IMMP2L: variants seen among roughly 807,000 people sequenced by gnomAD.
The protein encoded by IMMP2L is mitochondrial inner membrane protease subunit 2.
A neutral mutation model predicts 19.3 loss-of-function variants in IMMP2L; 18 were observed. The ratio of observed to expected loss-of-function variants is 0.93; its 90% CI spans 0.64 to 1.38. The LOEUF (loss-of-function observed/expected upper bound fraction) is 1.38, where lower values mean the gene tolerates loss of function less well. IMMP2L is among the 40% of genes most tolerant of loss of function. IMMP2L has a pLI of 0.00. For missense variants in IMMP2L, 233 were observed against 218.2 expected (o/e 1.07, Z -0.43); for synonymous variants, 76 against 73.0 (o/e 1.04, Z -0.21).
chr7:110,761,351 C>T (rs533097580), intron 5 of IMMP2L, among the ~76,000 whole-genome samples: 1 of 152,122 alleles, frequency 6.6e-6, no homozygotes, highest in Non-Finnish European at 1.5e-5. Context: ...TCAATGATGT[C>T]CTTTCCATGA....
chr7:111,346,628 A>G (rs1297629220), intron 3 of IMMP2L, among the ~76,000 whole-genome samples: 4 of 152,154 alleles, frequency 2.6e-5, no homozygotes, highest in Non-Finnish European at 5.9e-5. Context: ...ATACATGGAC[A>G]GATAAACAGA....
At chr7:111,428,470 GA>G (rs1482230004) in intron 3 of IMMP2L, among the ~76,000 whole-genome samples, 1 of 151,638 alleles carries the variant, frequency 6.6e-6, no homozygotes, top group African/African-American at 2.4e-5. Flanking sequence ...CTTCATATGT[GA>G]AATAAATTAA....
chr7:110,944,533 G>A (rs1409839135), intron 4 of IMMP2L, among the ~76,000 whole-genome samples: 4 of 149,806 alleles, frequency 2.7e-5, no homozygotes, highest in Admixed American at 6.7e-5. Flanking sequence ...GAGAATGTAG[G>A]CAGGGTCCTG....
chr7:111,008,271 A>G (rs1824524157), intron 3 of IMMP2L, among the ~76,000 whole-genome samples: 1 of 152,036 alleles, frequency 6.6e-6, no homozygotes, highest in South Asian at 2.1e-4. Flanking sequence ...TCTATGAGGT[A>G]AAGTCCTACC....
At chr7:111,500,211 G>A (rs192089819) in intron 2 of IMMP2L, among the ~76,000 whole-genome samples, 101 of 152,286 alleles carry the variant, frequency 6.6e-4, no homozygotes, top group Non-Finnish European at 1.3e-3. Flanking sequence ...CTGATTGCTA[G>A]CACAGCAGTC....
At chr7:110,801,026 C>A (rs1801201300) in intron 5 of IMMP2L, among the ~76,000 whole-genome samples, 1 of 152,002 alleles carries the variant, frequency 6.6e-6, no homozygotes, top group Admixed American at 6.6e-5. Flanking sequence ...TCAAACAAAC[C>A]AAAGCACATG....
Position 111,139,479 on chromosome 7 carries a change from T to C in IMMP2L, c.240-175914A>G, listed in dbSNP as rs193291321. On this transcript the variant is annotated intron_variant, in intron 3 of 5. Coordinates refer to ENST00000405709, the MANE Select transcript of IMMP2L (RefSeq NM_032549.4). ...GGGATACAAAGATAGGCAACTTCCC[T>C]GAAATAATTGAGAATTATCTATGGT... is the stretch of plus-strand genomic sequence containing the variant. Among the ~76,000 whole-genome samples, 1,018 of 152,214 alleles carry C rather than the reference T, an allele frequency of 6.7e-3. 15 individuals carry two copies. Among genetic ancestry groups the C allele is most frequent in the Non-Finnish European group, 5.1e-3 (345 of 68,004 alleles).
intron 3 of IMMP2L, among the ~76,000 whole-genome samples, chr7:111,299,059 CCTCA>C (rs1309840963): frequency 2.0e-5 from 3 of 152,040 alleles, no homozygotes; most frequent in Non-Finnish European, 4.4e-5. Context: ...AGCCTACATA[CCTCA>C]CTATTTGTCT....
At chr7:110,823,496 C>T (rs1049426269) in intron 5 of IMMP2L, among the ~76,000 whole-genome samples, 6 of 151,772 alleles carry the variant, frequency 4.0e-5, no homozygotes, top group African/African-American at 1.5e-4. Context: ...TGGCAAATTC[C>T]ATCATTTATC....
chr7:110,998,328 T>A lies in IMMP2L; in HGVS notation c.240-34763A>T, dbSNP rs557235251. Among the ~76,000 whole-genome samples, 75 of 152,274 alleles carry A rather than the reference T, an allele frequency of 4.9e-4. 1 individual carries two copies. The highest frequency in any genetic ancestry group is 1.7e-3 in the African/African-American group (72 of 41,558). ...CTTTGTTCTAAAATTTCTATCATAG[T>A]CATTATACCCTACAATATGCCTCCA... On this transcript the variant is annotated intron_variant, in intron 3 of 5. Coordinates refer to ENST00000405709, the MANE Select transcript of IMMP2L (RefSeq NM_032549.4).
chr7:111,014,605 T>C (rs1006284637), intron 3 of IMMP2L, among the ~76,000 whole-genome samples: 2 of 152,058 alleles, frequency 1.3e-5, no homozygotes, highest in African/African-American at 2.4e-5. Context: ...TTTAAAACTT[T>C]TGTGCATCAA....
At chr7:110,874,270 A>C (rs1244098537) in intron 5 of IMMP2L, among the ~76,000 whole-genome samples, 1 of 152,064 alleles carries the variant, frequency 6.6e-6, no homozygotes, top group Non-Finnish European at 1.5e-5. Flanking sequence ...GTCTTCCTGA[A>C]CCTAAAGGAT....
At chr7:111,391,692 A>G (rs983921201) in intron 3 of IMMP2L, 1 of 511,092 alleles carries the variant, frequency 2.0e-6, no homozygotes, top group African/African-American at 1.9e-5. Flanking sequence ...ATACAGAATG[A>G]CTATCCAAAG....
rs114958185 is a variant in IMMP2L at position 110,756,876 on chromosome 7, G to A, written c.409-93155C>T. On this transcript the variant is annotated intron_variant, in intron 5 of 5. Transcript: ENST00000405709. ...GAGAGGATTTCAGGCTGTGGAAAGGGAACCCACTCAGTAAGGGTTTGATCT... is the reference window on the plus strand; with the variant it reads ...GAGAGGATTTCAGGCTGTGGAAAGGAAACCCACTCAGTAAGGGTTTGATCT... Among the ~76,000 whole-genome samples the A allele has an allele frequency of 2.6e-3, 398 of 152,144 alleles. 5 individuals carry two copies. Among genetic ancestry groups the A allele is most frequent in the African/African-American group, 9.0e-3 (374 of 41,554 alleles).
At chr7:110,707,161 C>T (rs1265154654) in intron 5 of IMMP2L, among the ~76,000 whole-genome samples, 3 of 71,690 alleles carry the variant, frequency 4.2e-5, no homozygotes, top group Admixed American at 1.4e-4. Flanking sequence ...CCCCCTCCCC[C>T]GACCCCACCA....
At chr7:110,726,967 A>T (rs1195948837) in intron 5 of IMMP2L, among the ~76,000 whole-genome samples, 1 of 152,228 alleles carries the variant, frequency 6.6e-6, no homozygotes, top group Non-Finnish European at 1.5e-5. Context: ...AAGGGTCAAG[A>T]TCTCAACAAA....
intron 3 of IMMP2L, among the ~76,000 whole-genome samples, chr7:111,160,067 C>T (rs1805083890): frequency 6.6e-6 from 1 of 151,948 alleles, no homozygotes; most frequent in African/African-American, 2.4e-5. Flanking sequence ...TTGTAAAATT[C>T]TAATCGTGGT....
At chr7:111,014,414 T>C (rs913068611) in intron 3 of IMMP2L, among the ~76,000 whole-genome samples, 11 of 152,086 alleles carry the variant, frequency 7.2e-5, no homozygotes, top group African/African-American at 2.2e-4. Context: ...CACACACTTA[T>C]GTATGTACAA....
intron 5 of IMMP2L, among the ~76,000 whole-genome samples, chr7:110,871,248 G>GAATTT (rs1808509276): frequency 1.3e-5 from 2 of 152,102 alleles, no homozygotes; most frequent in Non-Finnish European, 2.9e-5. Context: ...GATGTTTCTT[G>GAATTT]AACATCCAAG....
Sources: gnomAD v4.1 joint callset for allele counts (sites outside exome capture counted in the v4.1 genomes callset) on GRCh38, gnomAD v4.1.1 for gene constraint, MANE v1.5 for transcripts, NCBI Gene and HGNC (gene_info 2026-07-23, HGNC 2026-07-21) for gene names.